BMPR1A: variants seen among roughly 807,000 people sequenced by gnomAD.
BMPR1A encodes the protein bone morphogenetic protein receptor type-1A.
In BMPR1A, 7 loss-of-function variants were observed where a neutral mutation model predicts 66.0. The ratio of observed to expected loss-of-function variants is 0.11; its 90% CI spans 0.06 to 0.20. The LOEUF is 0.20. Ranked by LOEUF, BMPR1A falls within the 10% of genes least tolerant of loss-of-function variation. The probability of loss-of-function intolerance (pLI) is 1.00; values close to 1 mark genes in which losing one functional copy is unlikely to be tolerated. For missense variants in BMPR1A, 408 were observed against 669.1 expected (o/e 0.61, Z 4.31); for synonymous variants, 200 against 229.7 (o/e 0.87, Z 1.17).
At chr10:86,899,979 G>C in intron 6 of BMPR1A, 48 bp from the exon 7 acceptor site, 1 of 1,611,250 alleles carries the variant, frequency 6.2e-7, no homozygotes, top group Non-Finnish European at 8.5e-7. Context: ...GAACACGTCA[G>C]ATTATTTTTT....
chr10:86,896,103 G>A (rs554645934), intron 5 of BMPR1A, among the ~76,000 whole-genome samples: 23 of 151,408 alleles, frequency 1.5e-4, no homozygotes, highest in East Asian at 7.8e-4. Context: ...GCAGTGAGCC[G>A]AGATAGCACC....
chr10:86,797,231 ATTT>A (rs1236270338), intron 1 of BMPR1A, among the ~76,000 whole-genome samples: 1 of 83,772 alleles, frequency 1.2e-5, no homozygotes, highest in Admixed American at 1.3e-4. Flanking sequence ...AGCCCGGCTA[ATTT>A]TTTTTTTTTT....
intron 8 of BMPR1A, among the ~76,000 whole-genome samples, chr10:86,913,756 G>T (rs1043598976): frequency 3.3e-5 from 5 of 152,062 alleles, no homozygotes; most frequent in Admixed American, 6.6e-5. Flanking sequence ...ATAAAACATT[G>T]CTGAAAGAAA....
intron 4 of BMPR1A, among the ~76,000 whole-genome samples, chr10:86,890,543 CA>C (rs1843133502): frequency 6.6e-6 from 1 of 151,430 alleles, no homozygotes; most frequent in Non-Finnish European, 1.5e-5. Context: ...TAGAGGTTAC[CA>C]AAAAAGAAAT....
chr10:86,856,039 T>C, intron 2 of BMPR1A: 1 of 610,620 alleles, frequency 1.6e-6, no homozygotes, highest in Admixed American at 2.0e-5. Context: ...TTTGGGAATT[T>C]GTGCTTCAAA....
intron 1 of BMPR1A, among the ~76,000 whole-genome samples, chr10:86,824,508 C>T (rs1046058379): frequency 3.9e-5 from 6 of 152,118 alleles, no homozygotes; most frequent in African/African-American, 1.4e-4. Context: ...TGTGTTTATC[C>T]ACCCACGGAC....
At chr10:86,873,438 TAA>T (rs56028836) in intron 2 of BMPR1A, among the ~76,000 whole-genome samples, 10 of 136,838 alleles carry the variant, frequency 7.3e-5, no homozygotes, top group Non-Finnish European at 1.1e-4. Flanking sequence ...CCTATTAAAT[TAA>T]AAAAAAAAAA....
At position 86,840,567 on chromosome 10, in the gene BMPR1A, A is replaced by G. The variant is rs575501601; in HGVS notation, c.-153+1588A>G. 4.6e-5 allele frequency among the ~76,000 whole-genome samples: 7 copies of G among 151,708 alleles called. No homozygotes were observed. In the East Asian group the frequency reaches 5.8e-4, roughly 13 times the overall value. On this transcript the variant is annotated intron_variant, in intron 2 of 12. Transcript: ENST00000372037. ...CTTTCCTAGTCTCATGATTTCCGCA[A>G]TTATCTCTAAAATGATCTCTCTCAA...
chr10:86,866,853 T>C lies in BMPR1A; in HGVS notation c.-152-9014T>C, dbSNP rs534949213. Among the ~76,000 whole-genome samples the C allele has an allele frequency of 2.6e-5, 4 of 152,328 alleles. No homozygotes were observed. In the South Asian group the frequency reaches 8.3e-4, roughly 32 times the overall value. On this transcript the variant is annotated intron_variant, in intron 2 of 12. Coordinates refer to ENST00000372037, the MANE Select transcript of BMPR1A (RefSeq NM_004329.3). Reference sequence around the variant, plus strand: ...GTGTTAGTTTGTCATATATACTAGCTACATGGAATTCAGCAAGTTATTTAT... The same window carrying C: ...GTGTTAGTTTGTCATATATACTAGCCACATGGAATTCAGCAAGTTATTTAT...
chr10:86,837,721 C>G (rs1842372743), intron 1 of BMPR1A, among the ~76,000 whole-genome samples: 2 of 152,156 alleles, frequency 1.3e-5, no homozygotes, highest in South Asian at 2.1e-4. Flanking sequence ...AGAGACCTGG[C>G]TAAGTTGTAG....
chr10:86,885,186 T>C (rs1348100730), intron 3 of BMPR1A, among the ~76,000 whole-genome samples: 1 of 152,256 alleles, frequency 6.6e-6, no homozygotes, highest in Non-Finnish European at 1.5e-5. Context: ...CATTTTGTGC[T>C]GCTCATGAGT....
At chr10:86,785,354 G>T (rs545131939) in intron 1 of BMPR1A, among the ~76,000 whole-genome samples, 22 of 152,318 alleles carry the variant, frequency 1.4e-4, no homozygotes, top group African/African-American at 5.3e-4. Context: ...TGCCCAGGCT[G>T]CAGTGCAGTG....
chr10:86,769,383 G>A (rs1185321658), intron 1 of BMPR1A, among the ~76,000 whole-genome samples: 1 of 152,198 alleles, frequency 6.6e-6, no homozygotes, highest in Non-Finnish European at 1.5e-5. Flanking sequence ...TATGTAAATA[G>A]CAACTGCGCT....
rs1209320669 is a variant in BMPR1A, at chr10:86,927,823, T to C, written c.*4104T>C. On this transcript the variant is annotated 3_prime_UTR_variant, in exon 13 of 13. Transcript: ENST00000372037. ...AGTTGTAAAACACCAAAAATATAGA[T>C]TCGTCTTTGACGTGTAACACACTAA... 1 of 198,348 alleles carries C rather than the reference T, an allele frequency of 5.0e-6. No individual in the cohort carries two copies. The highest frequency in any genetic ancestry group is 2.3e-5 in the African/African-American group (1 of 43,356). The allele number at this position is 198,348 out of a possible 1,614,324, so 12.3% of individuals were successfully genotyped here. A position where few individuals can be genotyped will look rare whatever the true frequency, so the allele number is the denominator to read the frequency against.
intron 1 of BMPR1A, among the ~76,000 whole-genome samples, chr10:86,771,823 G>A (rs1188123857): frequency 1.3e-5 from 2 of 152,244 alleles, no homozygotes; most frequent in East Asian, 1.9e-4. Flanking sequence ...GTGCAGTGGT[G>A]TGAACATGGC....
chr10:86,825,003 G>A (rs539559864), intron 1 of BMPR1A, among the ~76,000 whole-genome samples: 10 of 151,504 alleles, frequency 6.6e-5, no homozygotes, highest in African/African-American at 1.7e-4. Context: ...AAATTTTAAC[G>A]TACACTATTA....
downstream of BMPR1A, chr10:86,928,557 A>G (rs541198190): frequency 6.6e-6 from 1 of 152,144 alleles, no homozygotes; most frequent in Non-Finnish European, 1.5e-5. Flanking sequence ...AAATGTACTC[A>G]TGGCAGAAAA....
At chr10:86,778,750 C>G (rs1439731933) in intron 1 of BMPR1A, among the ~76,000 whole-genome samples, 3 of 151,872 alleles carry the variant, frequency 2.0e-5, no homozygotes, top group Non-Finnish European at 4.4e-5. Context: ...CCCTGTCCCT[C>G]CCTTTCCTCT....
At chr10:86,760,693 A>G (rs1841038567) in intron 1 of BMPR1A, among the ~76,000 whole-genome samples, 1 of 152,128 alleles carries the variant, frequency 6.6e-6, no homozygotes, top group South Asian at 2.1e-4. Flanking sequence ...ATTGGATCTT[A>G]GGAGCAGCGA....
Sources: allele counts gnomAD v4.1 joint callset (sites outside exome capture counted in the v4.1 genomes callset), GRCh38; gene constraint gnomAD v4.1.1; transcripts MANE v1.5; gene names NCBI Gene and HGNC (gene_info 2026-07-23, HGNC 2026-07-21).